Variants in SLC37A1 observed in about 807,000 individuals in gnomAD.
SLC37A1 encodes the protein glucose-6-phosphate exchanger SLC37A1.
A neutral mutation model predicts 75.3 loss-of-function variants in SLC37A1; 49 were observed. The observed-to-expected ratio is 0.65, with a 90% confidence interval of 0.52 to 0.83. SLC37A1 has a LOEUF of 0.83. SLC37A1 is among the 40% of genes least tolerant of loss of function. The probability of loss-of-function intolerance (pLI) is 0.00; values close to 1 mark genes in which losing one functional copy is unlikely to be tolerated. For synonymous variants in SLC37A1, 268 were observed against 292.1 expected (o/e 0.92, Z 0.84); for missense variants, 566 against 695.0 (o/e 0.81, Z 2.09).
intron 10 of SLC37A1, among the ~76,000 whole-genome samples, chr21:42,556,156 G>A (rs2055685771): frequency 6.6e-6 from 1 of 152,248 alleles, no homozygotes; most frequent in African/African-American, 2.4e-5. Flanking sequence ...ATGAGGCGCT[G>A]CTGTCACTTG....
In SLC37A1 at chr21:42,514,041, G is replaced by A. The variant is rs1462697795; in HGVS notation, c.-855G>A. 6.7e-6 allele frequency: 1 copy of A among 149,766 alleles called. No homozygotes were observed. Among genetic ancestry groups the A allele is most frequent in the Admixed American group, 6.6e-5 (1 of 15,078 alleles). 9.3% of individuals were successfully genotyped at this position (149,766 alleles called of 1,614,324 possible). A position where few individuals can be genotyped will look rare whatever the true frequency, so the allele number is the denominator to read the frequency against. ...CCGCTCAGCACCTGCGGCGCCCTCA[G>A]GGAGCCGGGCGCGGGGCCCTGCGCA... On this transcript the variant is annotated 5_prime_UTR_variant, in exon 1 of 20. Coordinates refer to ENST00000352133, the MANE Select transcript of SLC37A1 (RefSeq NM_001320537.2). The surrounding 1 kb of genome is among the most constrained non-coding windows in gnomAD (Gnocchi z 4.8).
At chr21:42,535,180 G>A (rs1336587207) in intron 4 of SLC37A1, among the ~76,000 whole-genome samples, 3 of 152,370 alleles carry the variant, frequency 2.0e-5, no homozygotes, top group East Asian at 3.9e-4. Context: ...CAGTGGACAC[G>A]TAAAAGAAAA....
chr21:42,538,472 G>T (rs946611399), intron 5 of SLC37A1, among the ~76,000 whole-genome samples: 1 of 152,174 alleles, frequency 6.6e-6, no homozygotes, highest in Non-Finnish European at 1.5e-5. Context: ...GCTGACTCCC[G>T]GAGTGGGGTT....
intron 17 of SLC37A1, among the ~76,000 whole-genome samples, chr21:42,574,036 T>TGC (rs1406038651): frequency 3.3e-5 from 5 of 152,114 alleles, no homozygotes; most frequent in Admixed American, 1.3e-4. Flanking sequence ...CACACACACA[T>TGC]GCACACACAC....
intron 2 of SLC37A1, among the ~76,000 whole-genome samples, chr21:42,522,151 T>G (rs987182907): frequency 6.6e-6 from 1 of 152,218 alleles, no homozygotes; most frequent in African/African-American, 2.4e-5. Context: ...GGGCTCACTC[T>G]ATCTAATATG....
intron 3 of SLC37A1, 65 bp downstream of exon 3, chr21:42,525,922 G>A (rs1009652809): frequency 5.6e-6 from 7 of 1,246,382 alleles, no homozygotes; most frequent in African/African-American, 4.5e-5. Context: ...AAAGCTTGTG[G>A]GGCAGAGGAT....
At chr21:42,523,101 A>G (rs1185175777) in intron 2 of SLC37A1, among the ~76,000 whole-genome samples, 1 of 152,256 alleles carries the variant, frequency 6.6e-6, no homozygotes, top group Non-Finnish European at 1.5e-5. Context: ...GTGAACCCAC[A>G]GCCCATAGGA....
intron 16 of SLC37A1, 99 bp downstream of exon 16, chr21:42,567,157 C>A: frequency 7.7e-7 from 1 of 1,304,954 alleles, no homozygotes; most frequent in Non-Finnish European, 1.1e-6. Context: ...ACTGCATTTG[C>A]AGAAGCACGT....
Position 42,553,665 on chromosome 21 carries a change from C to T in SLC37A1, c.769-397C>T, listed in dbSNP as rs1002872958. Among the ~76,000 whole-genome samples the T allele has an allele frequency of 2.7e-5, 4 of 147,628 alleles. No individual in the cohort carries two copies. The South Asian group carries it at 6.3e-4, about 23-fold the overall frequency. ...AAGCCACACTCTCCTTCCCTAGAGA[C>T]GGTTTTTTTTTTTTCCTTCAGAAGC... On this transcript the variant is annotated intron_variant, in intron 9 of 19. Coordinates refer to ENST00000352133, the MANE Select transcript of SLC37A1 (RefSeq NM_001320537.2).
At chr21:42,519,783 C>G in intron 2 of SLC37A1, among the ~76,000 whole-genome samples, 1 of 152,186 alleles carries the variant, frequency 6.6e-6, no homozygotes, top group East Asian at 1.9e-4. Context: ...GCCACAAGTG[C>G]CTGAACACTT....
chr21:42,574,420 C>T (rs949845142), intron 17 of SLC37A1, among the ~76,000 whole-genome samples: 15 of 152,166 alleles, frequency 9.9e-5, no homozygotes, highest in African/African-American at 2.2e-4. Flanking sequence ...CTTCCCAGTA[C>T]GGAGGCGTAC....
chr21:42,547,023 C>A lies in SLC37A1; in HGVS notation c.731-80C>A. 6.4e-7 allele frequency: 1 copy of A among 1,560,694 alleles called. No individual in the cohort carries two copies. The highest frequency in any genetic ancestry group is 1.1e-5 in the South Asian group (1 of 89,752). On this transcript the variant is annotated intron_variant, in intron 8 of 19. Coordinates refer to ENST00000352133, the MANE Select transcript of SLC37A1 (RefSeq NM_001320537.2). This position sits in a 1 kb window ranked among gnomAD's most constrained non-coding sequence, Gnocchi z 6.1. ...TTCACACCCGGTGCTCCCGTGTTGC[C>A]CTGTCCTCGGGTTACGTAGCTTACT...
At chr21:42,566,174 G>A (rs1186736888) in intron 15 of SLC37A1, among the ~76,000 whole-genome samples, 2 of 152,268 alleles carry the variant, frequency 1.3e-5, no homozygotes, top group Non-Finnish European at 2.9e-5. Flanking sequence ...CTTGAGGGCA[G>A]CCCCTCCTGG....
intron 2 of SLC37A1, among the ~76,000 whole-genome samples, chr21:42,523,565 G>A (rs2054705652): frequency 6.6e-6 from 1 of 152,252 alleles, no homozygotes; most frequent in Non-Finnish European, 1.5e-5. Flanking sequence ...AGAAACACGA[G>A]GACAGAGGCC....
chr21:42,500,131 C>G (rs1409080896), intron 1 of SLC37A1, among the ~76,000 whole-genome samples: 1 of 152,098 alleles, frequency 6.6e-6, no homozygotes, highest in African/African-American at 2.4e-5. Flanking sequence ...AGGCACTGTT[C>G]AGATAAAAAG....
upstream of SLC37A1, among the ~76,000 whole-genome samples, chr21:42,509,015 G>A (rs2054410314): frequency 6.6e-6 from 1 of 152,104 alleles, no homozygotes. This position sits in a 1 kb window ranked among gnomAD's most constrained non-coding sequence, Gnocchi z 4.2. Context: ...CCTAAATTAA[G>A]CACAGCCTTC....
chr21:42,543,465 C>G lies in SLC37A1; in HGVS notation c.593C>G (p.Ser198Cys). The change falls in exon 8 of 20, where the codon TCC becomes TGC. Residue 198 changes from serine to cysteine, a missense_variant. Physicochemically the swap from Ser to Cys is moderately radical, Grantham distance 112. Transcript: ENST00000352133. ...RRGLIMGVWN[S>C]HTSVGNILGS... ...GGTTTGATTATGGGGGTCTGGAACT[C>G]CCACACCTCCGTGGGCAACATCTTG... 1 of 1,614,176 alleles carries G rather than the reference C, an allele frequency of 6.2e-7. No homozygotes were observed. The highest frequency in any genetic ancestry group is 8.5e-7 in the Non-Finnish European group (1 of 1,180,016).
chr21:42,572,677 CAAA>C (rs552610279), intron 17 of SLC37A1, among the ~76,000 whole-genome samples: 3 of 80,498 alleles, frequency 3.7e-5, no homozygotes, highest in Non-Finnish European at 8.3e-5. Context: ...CACACACACA[CAAA>C]AAAAAAAAAA....
At chr21:42,539,111 T>C (rs968679548) in intron 5 of SLC37A1, among the ~76,000 whole-genome samples, 1 of 152,206 alleles carries the variant, frequency 6.6e-6, no homozygotes, top group African/African-American at 2.4e-5. Context: ...TCATAAGTGA[T>C]CTCATGACAT....
Sources: allele counts gnomAD v4.1 joint callset (sites outside exome capture counted in the v4.1 genomes callset), GRCh38; gene constraint gnomAD v4.1.1; non-coding constraint Gnocchi (gnomAD v3.1); transcripts MANE v1.5; gene names NCBI Gene and HGNC (gene_info 2026-07-23, HGNC 2026-07-21).